The following CCSER1 variants were observed in gnomAD, a reference collection of about 807,000 sequenced individuals.
CCSER1 encodes the protein coiled-coil serine rich protein 1.
CCSER1 carries 41 observed loss-of-function variants against 82.0 expected under a neutral mutation model. The ratio of observed to expected loss-of-function variants is 0.50; its 90% CI spans 0.39 to 0.65. CCSER1 has a LOEUF of 0.65. Among genes scored for constraint, CCSER1 ranks in the 30% least tolerant of loss-of-function variants. The probability of loss-of-function intolerance (pLI) is 0.00; values close to 1 mark genes in which losing one functional copy is unlikely to be tolerated. For missense variants in CCSER1, 1,119 were observed against 1,064.2 expected, an observed-to-expected ratio of 1.05 and a Z score of -0.72; for synonymous variants, 414 against 383.9, an observed-to-expected ratio of 1.08 and a Z score of -0.92.
chr4:90,156,565 G>A (rs1728233174), intron 1 of CCSER1, among the ~76,000 whole-genome samples: 1 of 152,032 alleles, frequency 6.6e-6, no homozygotes, highest in African/African-American at 2.4e-5. Flanking sequence ...TCCTGTATTG[G>A]GTGCATATAT....
chr4:90,508,687 C>T (rs944237734), intron 5 of CCSER1, among the ~76,000 whole-genome samples: 20 of 152,116 alleles, frequency 1.3e-4, no homozygotes, highest in Admixed American at 9.2e-4. Context: ...TGAATTAGTT[C>T]CACTACAGTA....
intron 4 of CCSER1, among the ~76,000 whole-genome samples, chr4:90,405,329 A>C (rs1753558098): frequency 6.6e-6 from 1 of 152,222 alleles, no homozygotes; most frequent in East Asian, 1.9e-4. Context: ...ATAACTAAAA[A>C]ATAAAAATAA....
intron 10 of CCSER1, among the ~76,000 whole-genome samples, chr4:91,210,812 G>A (rs1042927753): frequency 9.9e-5 from 15 of 151,942 alleles, no homozygotes; most frequent in African/African-American, 3.6e-4. Flanking sequence ...GAGGTCTGAG[G>A]ATTAGGTGAT....
At chr4:91,459,258 T>C (rs1392408844) in intron 10 of CCSER1, among the ~76,000 whole-genome samples, 1 of 152,098 alleles carries the variant, frequency 6.6e-6, no homozygotes, top group Non-Finnish European at 1.5e-5. Flanking sequence ...AAAGGGAGGC[T>C]TAAGAGGTTA....
intron 5 of CCSER1, among the ~76,000 whole-genome samples, chr4:90,484,044 A>C (rs1053886566): frequency 1.3e-4 from 20 of 152,244 alleles, no homozygotes; most frequent in East Asian, 3.9e-4. Flanking sequence ...TCACATAGTC[A>C]CATATTTCTT....
At chr4:90,283,597 C>T (rs1003343458) in intron 1 of CCSER1, among the ~76,000 whole-genome samples, 2 of 152,020 alleles carry the variant, frequency 1.3e-5, no homozygotes, top group Admixed American at 6.6e-5. Flanking sequence ...TGCTATTGAA[C>T]ATTAGATCTT....
intron 3 of CCSER1, among the ~76,000 whole-genome samples, chr4:90,389,849 A>G (rs1019014057): frequency 1.3e-5 from 2 of 152,098 alleles, no homozygotes; most frequent in East Asian, 3.8e-4. Context: ...TATTATAGAG[A>G]TGCAGTCTTG....
intron 10 of CCSER1, among the ~76,000 whole-genome samples, chr4:91,281,928 A>G (rs560718918): frequency 1.8e-4 from 27 of 152,258 alleles, no homozygotes; most frequent in African/African-American, 6.5e-4. Flanking sequence ...TAAATAGAAA[A>G]CATGTGTTTT....
At chr4:90,222,321 T>A (rs1200623920) in intron 1 of CCSER1, among the ~76,000 whole-genome samples, 2 of 152,244 alleles carry the variant, frequency 1.3e-5, no homozygotes, top group Non-Finnish European at 2.9e-5. Flanking sequence ...TGTGTTCTTA[T>A]AATTAATTTT....
At chr4:91,320,413 A>G (rs1560587486) in intron 10 of CCSER1, among the ~76,000 whole-genome samples, 2 of 152,050 alleles carry the variant, frequency 1.3e-5, no homozygotes. Flanking sequence ...ATGATTGTGC[A>G]TAATTATAGT....
intron 9 of CCSER1, among the ~76,000 whole-genome samples, chr4:90,926,956 T>C (rs146990647): frequency 1.3e-5 from 2 of 152,138 alleles, no homozygotes; most frequent in East Asian, 3.9e-4. Context: ...TTACATCAAA[T>C]GTATAAACAG....
chr4:90,628,326 C>G (rs1307471631), intron 6 of CCSER1, 94 bp downstream of exon 6: 3 of 930,850 alleles, frequency 3.2e-6, no homozygotes. Flanking sequence ...TAATTAACTA[C>G]ATGACATTGG....
chr4:91,000,772 ATTTTGTAT>A (rs1239488917), intron 9 of CCSER1, among the ~76,000 whole-genome samples: 4 of 152,102 alleles, frequency 2.6e-5, no homozygotes, highest in African/African-American at 4.8e-5. Context: ...GAGTACATTG[ATTTTGTAT>A]CCTGAAACTC....
At chr4:91,139,810 C>G (rs990083738) in intron 10 of CCSER1, among the ~76,000 whole-genome samples, 1 of 152,068 alleles carries the variant, frequency 6.6e-6, no homozygotes, top group African/African-American at 2.4e-5. Flanking sequence ...AAGAGCAATA[C>G]CAATTGCTTC....
At chr4:91,103,320 C>T (rs531942586) in intron 10 of CCSER1, among the ~76,000 whole-genome samples, 2 of 152,264 alleles carry the variant, frequency 1.3e-5, no homozygotes, top group South Asian at 2.1e-4. Flanking sequence ...TACCATTGTC[C>T]TTTAATCATA....
intron 5 of CCSER1, among the ~76,000 whole-genome samples, chr4:90,536,314 G>A (rs1007880702): frequency 5.9e-5 from 9 of 152,148 alleles, no homozygotes; most frequent in African/African-American, 1.4e-4. Context: ...GATTACAGGC[G>A]TGAGCCACCG....
intron 10 of CCSER1, among the ~76,000 whole-genome samples, chr4:91,255,348 G>C (rs1740604381): frequency 1.3e-5 from 2 of 152,138 alleles, no homozygotes; most frequent in Admixed American, 6.5e-5. Flanking sequence ...TCACATGTTA[G>C]ATCTATATGT....
intron 3 of CCSER1, among the ~76,000 whole-genome samples, chr4:90,394,848 A>G (rs1225012163): frequency 6.6e-6 from 1 of 152,166 alleles, no homozygotes; most frequent in Non-Finnish European, 1.5e-5. Context: ...CATGATTTTG[A>G]TATATGTGTA....
rs142773892 is a variant in CCSER1 at position 91,278,085 on chromosome 4, T to A, written c.2217+192091T>A. ...ATTTTTAAAAATTTGTTGGGGCTTG[T>A]TTTGTGTCCTAACATATGGCCTGGA... is the stretch of plus-strand genomic sequence containing the variant. On this transcript the variant is annotated intron_variant, in intron 10 of 10. Transcript: ENST00000509176. Among the ~76,000 whole-genome samples the A allele has an allele frequency of 1.4e-4, 21 of 152,190 alleles. No individual in the cohort carries two copies. In the East Asian group the frequency reaches 3.9e-3, roughly 28 times the overall value.
Sources: gnomAD v4.1 joint callset for allele counts (sites outside exome capture counted in the v4.1 genomes callset) on GRCh38, gnomAD v4.1.1 for gene constraint, MANE v1.5 for transcripts, NCBI Gene and HGNC (gene_info 2026-07-23, HGNC 2026-07-21) for gene names.